Variants in TPCN1 observed in about 807,000 individuals in gnomAD.
The protein encoded by TPCN1 is two pore segment channel 1.
A neutral mutation model predicts 108.8 loss-of-function variants in TPCN1; 52 were observed. That is an observed-to-expected ratio of 0.48 (90% CI 0.38 to 0.60). TPCN1 has a LOEUF of 0.60. Among genes scored for constraint, TPCN1 ranks in the 20% least tolerant of loss-of-function variants. The probability of loss-of-function intolerance (pLI) is 0.00; values close to 1 mark genes in which losing one functional copy is unlikely to be tolerated. For synonymous variants in TPCN1, 446 were observed against 433.7 expected (o/e 1.03, Z -0.35); for missense variants, 806 against 1,072.8 (o/e 0.75, Z 3.47).
At chr12:113,237,343 A>G (rs1953934347) in intron 2 of TPCN1, among the ~76,000 whole-genome samples, 1 of 150,824 alleles carries the variant, frequency 6.6e-6, no homozygotes, top group African/African-American at 2.4e-5. Context: ...TCAGCTCAGT[A>G]GCTCAGTTCC....
intron 2 of TPCN1, among the ~76,000 whole-genome samples, chr12:113,240,152 A>G (rs1322151874): frequency 1.3e-5 from 2 of 152,150 alleles, no homozygotes; most frequent in Non-Finnish European, 2.9e-5. Context: ...CGCAGATTTT[A>G]TGAGTGCTAA....
chr12:113,271,707 C>T lies in TPCN1; in HGVS notation c.749-951C>T, dbSNP rs79778981. Reference sequence around the variant, plus strand: ...ACGTTTTTCTTATCACAAATCCCACCGCAGTGAACACTCCTGTGTGTTTCC... The same window carrying T: ...ACGTTTTTCTTATCACAAATCCCACTGCAGTGAACACTCCTGTGTGTTTCC... On this transcript the variant is annotated intron_variant, in intron 7 of 27. Coordinates refer to ENST00000335509, the MANE Select transcript of TPCN1 (RefSeq NM_017901.6). Among the ~76,000 whole-genome samples, 1,837 of 152,298 alleles carry T rather than the reference C, an allele frequency of 0.012. 68 individuals are homozygous for T. The East Asian group carries it at 0.15, about 12-fold the overall frequency.
At position 113,284,519 on chromosome 12, in the gene TPCN1, G is replaced by T; in HGVS notation, c.1343-62G>T. The T allele has an allele frequency of 6.3e-7, 1 of 1,594,184 alleles. No individual in the cohort carries two copies. Among genetic ancestry groups the T allele is most frequent in the South Asian group, 1.1e-5 (1 of 90,466 alleles). On this transcript the variant is annotated intron_variant, in intron 15 of 27. Coordinates refer to ENST00000335509, the MANE Select transcript of TPCN1 (RefSeq NM_017901.6). The surrounding 1 kb of genome is among the most constrained non-coding windows in gnomAD (Gnocchi z 4.1). Reference sequence around the variant, plus strand: ...GAAGTTAACCAGGGACTTCAGCTGCGACCTGCAGATTTCTAAGCCCCCCTG... The same window carrying T: ...GAAGTTAACCAGGGACTTCAGCTGCTACCTGCAGATTTCTAAGCCCCCCTG...
At position 113,222,116 on chromosome 12, in the gene TPCN1, C is replaced by G. The variant is rs556272890; in HGVS notation, c.-126+490C>G. Among the ~76,000 whole-genome samples the G allele has an allele frequency of 1.8e-4, 27 of 152,258 alleles. No homozygotes were observed. The South Asian group carries it at 5.6e-3, about 32-fold the overall frequency. On this transcript the variant is annotated intron_variant, in intron 1 of 27. Transcript: ENST00000335509. ...AACACTGGACCAGGACGCAGGAGTCCCGGGTTCTAGCCCTACTCCTCCACT... is the reference window on the plus strand; with the variant it reads ...AACACTGGACCAGGACGCAGGAGTCGCGGGTTCTAGCCCTACTCCTCCACT...
rs201147449 is a variant in TPCN1, at chr12:113,290,266, G to A, written c.1912+23G>A. On this transcript the variant is annotated intron_variant, in intron 22 of 27. Transcript: ENST00000335509. Reference sequence around the variant, plus strand: ...TTGGTGAGTGGGAAAAATCACAGGGGGCACATTCCCTGGGGACCCCACCCT... The same window carrying A: ...TTGGTGAGTGGGAAAAATCACAGGGAGCACATTCCCTGGGGACCCCACCCT... 5.7e-5 allele frequency: 86 copies of A among 1,511,580 alleles called. No homozygotes were observed. In the African/African-American group the frequency reaches 9.6e-4, roughly 17 times the overall value. 93.6% of individuals were successfully genotyped at this position (1,511,580 alleles called of 1,614,324 possible).
In TPCN1 at chr12:113,232,422, G is replaced by A. The variant is rs1044895086; in HGVS notation, c.112+5458G>A. On this transcript the variant is annotated intron_variant, in intron 2 of 27. Transcript: ENST00000335509. This position sits in a 1 kb window ranked among gnomAD's most constrained non-coding sequence, Gnocchi z 5.6. ...CAGAGCTGTTGGCCGCAGGGCCGCC[G>A]TAGCCAGGAGGAGTTGGGAGAGATC... Among the ~76,000 whole-genome samples the A allele has an allele frequency of 9.2e-5, 14 of 152,378 alleles. No individual in the cohort carries two copies. The highest frequency in any genetic ancestry group is 4.6e-4 in the Admixed American group (7 of 15,312).
At chr12:113,256,771 T>G (rs1313520210) in intron 2 of TPCN1, among the ~76,000 whole-genome samples, 1 of 152,188 alleles carries the variant, frequency 6.6e-6, no homozygotes, top group Non-Finnish European at 1.5e-5. Context: ...TGGGCTCAAG[T>G]GATCCTCCCC....
At chr12:113,240,909 G>T (rs1233145122) in intron 2 of TPCN1, among the ~76,000 whole-genome samples, 1 of 152,032 alleles carries the variant, frequency 6.6e-6, no homozygotes, top group Non-Finnish European at 1.5e-5. Flanking sequence ...ATCATGCCTG[G>T]CTAATTTTTG....
At chr12:113,233,373 G>A (rs1255563179) in intron 2 of TPCN1, among the ~76,000 whole-genome samples, 3 of 152,242 alleles carry the variant, frequency 2.0e-5, no homozygotes, top group Non-Finnish European at 2.9e-5. Flanking sequence ...CTTCCCCATC[G>A]GGGAGGCAAT....
chr12:113,229,822 C>T (rs1286418760), intron 2 of TPCN1, among the ~76,000 whole-genome samples: 1 of 152,158 alleles, frequency 6.6e-6, no homozygotes, highest in Non-Finnish European at 1.5e-5. Flanking sequence ...ACAAGCCCAA[C>T]CTGGTTGTTG....
chr12:113,275,426 T>TAGAGACAGGGTTTTGCCATGTTGGTC (rs1955638917), intron 10 of TPCN1, among the ~76,000 whole-genome samples: 1 of 151,482 alleles, frequency 6.6e-6, no homozygotes, highest in African/African-American at 2.4e-5. Context: ...GTATTTTTGG[T>TAGAGACAGGGTTTTGCCATGTTGGTC]AGAGACAGGG....
chr12:113,256,181 C>T (rs1030537357), intron 2 of TPCN1, among the ~76,000 whole-genome samples: 3 of 152,084 alleles, frequency 2.0e-5, no homozygotes, highest in Non-Finnish European at 2.9e-5. Context: ...CTATATTCCC[C>T]AGGCTAGGTT....
At chr12:113,287,118 G>A (rs373411269) in intron 19 of TPCN1, 24 bp downstream of exon 19, 16 of 1,585,294 alleles carry the variant, frequency 1.0e-5, no homozygotes, top group Non-Finnish European at 1.0e-5. Context: ...CAGAGCCGGA[G>A]ACAGGGAGAA....
At position 113,296,307 on chromosome 12, in the gene TPCN1, C is replaced by A. The variant is rs2136795706; in HGVS notation, c.*231C>A. ...GGGGTGCGGCCACCAGGTCTGAGCT[C>A]TTCCTACTGTGGAAGGCTCCAGAAG... On this transcript the variant is annotated 3_prime_UTR_variant, in exon 28 of 28. Transcript: ENST00000335509. 2 of 563,746 alleles carry A rather than the reference C, an allele frequency of 3.5e-6. No individual in the cohort carries two copies. Among genetic ancestry groups the A allele is most frequent in the South Asian group, 2.9e-5 (1 of 34,428 alleles). The allele number at this position is 563,746 out of a possible 1,614,324, so 34.9% of individuals were successfully genotyped here.
chr12:113,241,330 CTCT>C (rs1954113706), intron 2 of TPCN1, among the ~76,000 whole-genome samples: 1 of 152,010 alleles, frequency 6.6e-6, no homozygotes, highest in Non-Finnish European at 1.5e-5. Context: ...CCTCTTGTTA[CTCT>C]TCTTCTGAAC....
At chr12:113,282,915 A>G (rs1014394018) in intron 15 of TPCN1, among the ~76,000 whole-genome samples, 19 of 151,966 alleles carry the variant, frequency 1.3e-4, no homozygotes, top group South Asian at 6.2e-4. Flanking sequence ...GTGAAACCCC[A>G]TCTCTACCAA....
At position 113,268,810 on chromosome 12, in the gene TPCN1, G is replaced by T; in HGVS notation, c.597G>T (p.Arg199=). 6.2e-7 allele frequency: 1 copy of T among 1,614,126 alleles called. No homozygotes were observed. The highest frequency in any genetic ancestry group is 8.5e-7 in the Non-Finnish European group (1 of 1,180,026). Residue 199 remains arginine (R), a synonymous_variant, in exon 6 of 28, where the codon CGG becomes CGT. Coordinates refer to ENST00000335509, the MANE Select transcript of TPCN1 (RefSeq NM_017901.6). The surrounding 1 kb of genome is among the most constrained non-coding windows in gnomAD (Gnocchi z 7.3). ...VVLVRQMSHV[R]VTRALRCIFL... The stretch of plus-strand genomic sequence containing the variant: ...TGGTACGGCAGATGTCCCATGTGCG[G>T]GTGACCCGAGCACTGCGCTGCATTT...
At chr12:113,222,913 C>T (rs1293645860) in intron 1 of TPCN1, among the ~76,000 whole-genome samples, 4 of 152,196 alleles carry the variant, frequency 2.6e-5, no homozygotes, top group African/African-American at 2.4e-5. Context: ...TCAAAGTAAA[C>T]ATGGGAGATA....
rs566672170 is a variant in TPCN1 at position 113,232,098 on chromosome 12, C to T, written c.112+5134C>T. Among the ~76,000 whole-genome samples, 90 of 152,310 alleles carry T rather than the reference C, an allele frequency of 5.9e-4. No individual in the cohort carries two copies. The highest frequency in any genetic ancestry group is 1.2e-3 in the Non-Finnish European group (85 of 68,024). Reference sequence around the variant, plus strand: ...CTGAGTGAAGGAAGGATTGGGCTCGCGGGGGCTGGCTGAGGTCTGAGCAGG... The same window carrying T: ...CTGAGTGAAGGAAGGATTGGGCTCGTGGGGGCTGGCTGAGGTCTGAGCAGG... On this transcript the variant is annotated intron_variant, in intron 2 of 27. Transcript: ENST00000335509. This position sits in a 1 kb window ranked among gnomAD's most constrained non-coding sequence, Gnocchi z 5.6.
Sources: gnomAD v4.1 joint callset for allele counts (sites outside exome capture counted in the v4.1 genomes callset) on GRCh38, gnomAD v4.1.1 for gene constraint, Gnocchi (gnomAD v3.1) non-coding constraint, MANE v1.5 for transcripts, NCBI Gene and HGNC (gene_info 2026-07-23, HGNC 2026-07-21) for gene names.